Variants in PSEN1 observed in about 807,000 individuals in gnomAD.
PSEN1 encodes the protein presenilin 1, also known as presenilin-1.
In PSEN1, 15 loss-of-function variants were observed where a neutral mutation model predicts 53.5. That is an observed-to-expected ratio of 0.28 (90% CI 0.19 to 0.43). The LOEUF (loss-of-function observed/expected upper bound fraction) is 0.43. PSEN1 is among the 20% of genes least tolerant of loss of function. The pLI, the probability that PSEN1 is intolerant of heterozygous loss-of-function variation, is 1.00. For missense variants in PSEN1, 387 were observed against 571.2 expected, an observed-to-expected ratio of 0.68 and a Z score of 3.29; for synonymous variants, 208 against 209.8, an observed-to-expected ratio of 0.99 and a Z score of 0.08.
At chr14:73,204,347 G>A (rs964229937) in intron 8 of PSEN1, among the ~76,000 whole-genome samples, 5 of 148,658 alleles carry the variant, frequency 3.4e-5, no homozygotes, top group African/African-American at 1.2e-4. Context: ...TCCTGTTGAT[G>A]TAAGGTGTTT....
intron 5 of PSEN1, among the ~76,000 whole-genome samples, chr14:73,178,085 A>G: frequency 7.3e-6 from 1 of 137,888 alleles, no homozygotes; most frequent in Non-Finnish European, 1.6e-5. Context: ...TGCCTGGCTG[A>G]TTTTGTTAAT....
chr14:73,152,322 C>T (rs1865417303), intron 3 of PSEN1, among the ~76,000 whole-genome samples: 1 of 150,146 alleles, frequency 6.7e-6, no homozygotes, highest in Admixed American at 6.7e-5. Context: ...CAAAAGAAAC[C>T]AAAAAAGGCC....
chr14:73,178,521 A>C (rs1218217114), intron 5 of PSEN1, among the ~76,000 whole-genome samples: 1 of 152,006 alleles, frequency 6.6e-6, no homozygotes, highest in Non-Finnish European at 1.5e-5. Flanking sequence ...AACACAAATA[A>C]CTTTTTATTC....
intron 3 of PSEN1, among the ~76,000 whole-genome samples, chr14:73,164,875 T>C (rs775187206): frequency 3.3e-5 from 5 of 152,234 alleles, no homozygotes; most frequent in Non-Finnish European, 7.3e-5. Flanking sequence ...TATATATATA[T>C]GTTCATTCAT....
At chr14:73,150,928 C>T (rs559535261) in intron 3 of PSEN1, among the ~76,000 whole-genome samples, 93 of 151,876 alleles carry the variant, frequency 6.1e-4, no homozygotes, top group African/African-American at 2.1e-3. Flanking sequence ...ATTAGCTGGG[C>T]GTGGTGACAC....
intron 3 of PSEN1, among the ~76,000 whole-genome samples, chr14:73,157,391 G>A (rs1472590087): frequency 6.6e-6 from 1 of 151,710 alleles, no homozygotes; most frequent in African/African-American, 2.4e-5. Context: ...CGCCTGCCTC[G>A]ATCTCCCAAA....
At chr14:73,191,060 A>G (rs1898695724) in intron 6 of PSEN1, among the ~76,000 whole-genome samples, 1 of 152,218 alleles carries the variant, frequency 6.6e-6, no homozygotes, top group Non-Finnish European at 1.5e-5. Context: ...CTACAGTTGC[A>G]ATCTCTTTGT....
rs1659529748 is a variant in PSEN1 at position 73,187,062 on chromosome 14, AAGACT to A, written c.548+145_548+149del. ...CATATAGGTCATACTTGGTATATAA[AAGACT>A]AGTCAGTATTACTAATTGAGACATT... On this transcript the variant is annotated intron_variant, in intron 6 of 11. Transcript: ENST00000324501. 4.2e-6 allele frequency: 3 copies of A among 716,542 alleles called. No homozygotes were observed. In the Admixed American group the frequency reaches 7.1e-5, roughly 17 times the overall value. The allele number at this position is 716,542 out of a possible 1,614,324, so 44.4% of individuals were successfully genotyped here.
At chr14:73,187,929 A>C (rs751916030) in intron 6 of PSEN1, among the ~76,000 whole-genome samples, 1 of 152,182 alleles carries the variant, frequency 6.6e-6, no homozygotes, top group African/African-American at 2.4e-5. Context: ...GCAATAGATG[A>C]AAAGAATAAT....
At chr14:73,214,832 T>C (rs1017362552) in intron 10 of PSEN1, among the ~76,000 whole-genome samples, 13 of 152,170 alleles carry the variant, frequency 8.5e-5, no homozygotes, top group Admixed American at 2.6e-4. Context: ...TTTTACAAGA[T>C]GAAAAGAGTT....
chr14:73,171,119 T>G, intron 4 of PSEN1, 72 bp downstream of exon 4: 2 of 1,572,062 alleles, frequency 1.3e-6, no homozygotes, highest in Non-Finnish European at 1.7e-6. Context: ...ATCATCACCT[T>G]GAAGGCCTCT....
At chr14:73,183,826 C>G (rs369750792) in intron 5 of PSEN1, among the ~76,000 whole-genome samples, 1 of 150,898 alleles carries the variant, frequency 6.6e-6, no homozygotes, top group African/African-American at 2.4e-5. Flanking sequence ...ACCTCCCAGA[C>G]GGGGTGGTGG....
At chr14:73,215,121 C>G (rs994369771) in intron 10 of PSEN1, among the ~76,000 whole-genome samples, 21 of 151,870 alleles carry the variant, frequency 1.4e-4, no homozygotes, top group Non-Finnish European at 2.8e-4. Context: ...TCACCATACC[C>G]GGCTAATTTT....
chr14:73,153,865 C>T (rs1396216433), intron 3 of PSEN1, among the ~76,000 whole-genome samples: 2 of 151,710 alleles, frequency 1.3e-5, no homozygotes, highest in Non-Finnish European at 1.5e-5. Context: ...AGGGTTGTGC[C>T]ACCACACCTG....
chr14:73,179,831 T>A (rs1000707100), intron 5 of PSEN1, among the ~76,000 whole-genome samples: 3 of 152,202 alleles, frequency 2.0e-5, no homozygotes, highest in Admixed American at 1.3e-4. Flanking sequence ...TTACTTTTCA[T>A]CTTTTGCAAC....
At chr14:73,187,202 A>C (rs1898550669) in intron 6 of PSEN1, among the ~76,000 whole-genome samples, 1 of 152,348 alleles carries the variant, frequency 6.6e-6, no homozygotes, top group African/African-American at 2.4e-5. Flanking sequence ...TCTGTGCATC[A>C]GAATGTTTTA....
intron 5 of PSEN1, among the ~76,000 whole-genome samples, chr14:73,177,271 T>C (rs2140052065): frequency 6.6e-6 from 1 of 152,120 alleles, no homozygotes; most frequent in South Asian, 2.1e-4. Flanking sequence ...GGTTGGTTTG[T>C]TTTCTCCTTT....
intron 8 of PSEN1, among the ~76,000 whole-genome samples, chr14:73,200,121 A>T (rs1459240157): frequency 6.6e-6 from 1 of 152,182 alleles, no homozygotes; most frequent in Admixed American, 6.5e-5. Context: ...GAGATCTAAT[A>T]GGCAAAAAAA....
chr14:73,168,354 CA>C (rs535866588), intron 3 of PSEN1: 292 of 111,416 alleles, frequency 2.6e-3, no homozygotes, highest in African/African-American at 7.2e-3. Flanking sequence ...GACTCTGTCT[CA>C]AAAAAAAAAA....
Sources: allele counts gnomAD v4.1 joint callset (sites outside exome capture counted in the v4.1 genomes callset), GRCh38; gene constraint gnomAD v4.1.1; transcripts MANE v1.5; gene names NCBI Gene and HGNC (gene_info 2026-07-23, HGNC 2026-07-21).